The following GPI variants were observed in gnomAD, a reference collection of about 807,000 sequenced individuals.
GPI encodes glucose-6-phosphate isomerase.
Under a neutral mutation model 75.8 loss-of-function variants are expected in GPI, and 56 were observed. The ratio of observed to expected loss-of-function variants is 0.74; its 90% CI spans 0.60 to 0.92. The LOEUF is 0.92. Ranked by LOEUF, GPI falls within the 40% of genes least tolerant of loss-of-function variation. GPI has a pLI of 0.00. For missense variants in GPI, 638 were observed against 741.0 expected (o/e 0.86, Z 1.61); for synonymous variants, 288 against 285.4 (o/e 1.01, Z -0.09).
At chr19:34,364,430 G>A (rs1208675984), upstream of GPI, among the ~76,000 whole-genome samples, 1 of 149,298 alleles carries the variant, frequency 6.7e-6, no homozygotes, top group Admixed American at 6.7e-5. Flanking sequence ...CACCCAGGCT[G>A]GAGTACAGTG....
intron 9 of GPI, among the ~76,000 whole-genome samples, chr19:34,390,080 G>A (rs1386739312): frequency 1.3e-5 from 2 of 152,190 alleles, no homozygotes; most frequent in African/African-American, 4.8e-5. Flanking sequence ...AGGAGGTGGG[G>A]TGAGGCACAG....
At position 34,366,360 on chromosome 19, in the gene GPI, C is replaced by T. The variant is rs754835193; in HGVS notation, c.138C>T (p.Thr46=). Residue 46 remains threonine (T), a synonymous_variant, in exon 2 of 18, where the codon ACC becomes ACT. Coordinates refer to ENST00000356487, the MANE Select transcript of GPI (RefSeq NM_000175.5). ...CTTTCTGCAGCTTGACCCTCAACAC[C>T]AACCATGGGCATATCCTGGTGGATT... ...RFNHFSLTLN[T]NHGHILVDYS... 3 of 1,611,618 alleles carry T rather than the reference C, an allele frequency of 1.9e-6. No homozygotes were observed. The highest frequency in any genetic ancestry group is 1.1e-5 in the South Asian group (1 of 91,034).
chr19:34,366,829 G>C lies in GPI; in HGVS notation c.260G>C (p.Gly87Ala), dbSNP rs1044734543. Residue 87 changes from glycine to alanine, a missense_variant, in exon 3 of 18, where the codon GGT becomes GCT. Physicochemically the swap from Gly to Ala is moderately conservative, Grantham distance 60 (BLOSUM62 0). Coordinates refer to ENST00000356487, the MANE Select transcript of GPI (RefSeq NM_000175.5). ...VEAARERMFNGEKINYTEGRA... is the reference protein window; with the variant it reads ...VEAARERMFNAEKINYTEGRA... ...GCCGCCCGGGAGCGGATGTTCAATG[G>C]TGAGAAGATCAACTACACCGAGGTG... is the stretch of plus-strand genomic sequence containing the variant. The C allele has an allele frequency of 1.2e-6, 2 of 1,613,554 alleles. No homozygotes were observed. Among genetic ancestry groups the C allele is most frequent in the Admixed American group, 1.7e-5 (1 of 60,010 alleles).
intron 3 of GPI, among the ~76,000 whole-genome samples, chr19:34,367,419 G>A (rs2145321591): frequency 6.6e-6 from 1 of 152,320 alleles, no homozygotes; most frequent in Admixed American, 6.5e-5. Flanking sequence ...AGCTGTAAGA[G>A]GCAGAATGGA....
rs1246154675 is a variant in GPI, at chr19:34,368,839, C to G, written c.402+137C>G. On this transcript the variant is annotated intron_variant, in intron 4 of 17. Coordinates refer to ENST00000356487, the MANE Select transcript of GPI (RefSeq NM_000175.5). ...TCACTGCAGCTTAAGGGAGGGGTTG[C>G]CTGTGTGATCGCTGACCCTGGAGTC... 6.2e-6 allele frequency: 6 copies of G among 961,590 alleles called. No individual in the cohort carries two copies. The Admixed American group carries it at 9.9e-5, about 16-fold the overall frequency. 59.6% of individuals were successfully genotyped at this position (961,590 alleles called of 1,614,324 possible). A position where few individuals can be genotyped will look rare whatever the true frequency, so the allele number is the denominator to read the frequency against.
upstream of GPI, among the ~76,000 whole-genome samples, chr19:34,362,100 G>C: frequency 7.2e-6 from 1 of 138,198 alleles, no homozygotes; most frequent in Non-Finnish European, 1.5e-5. Flanking sequence ...GGTGATAGAG[G>C]GAGACTCCAT....
At chr19:34,360,442 T>G (rs8102449), upstream of GPI, among the ~76,000 whole-genome samples, 26,952 of 151,772 alleles carry the variant, frequency 0.18, 4,166 homozygotes, top group African/African-American at 0.41. Context: ...ATAATAATAA[T>G]AAGAAAATTA....
At chr19:34,367,720 G>A (rs562848496) in intron 3 of GPI, among the ~76,000 whole-genome samples, 5 of 152,250 alleles carry the variant, frequency 3.3e-5, no homozygotes, top group Admixed American at 6.5e-5. Context: ...CCTGGCACCC[G>A]TCACAGACTT....
chr19:34,372,886 G>A (rs1030592780), intron 4 of GPI, among the ~76,000 whole-genome samples: 1 of 151,806 alleles, frequency 6.6e-6, no homozygotes, highest in African/African-American at 2.4e-5. Context: ...CGATTCTCCT[G>A]CCTCAGCCTC....
At chr19:34,366,740 G>GTGGTGTGGGACC in intron 2 of GPI, 43 bp from the exon 3 acceptor site, 1 of 1,385,984 alleles carries the variant, frequency 7.2e-7, no homozygotes, top group Non-Finnish European at 1.0e-6. Context: ...ACTTGGGGTG[G>GTGGTGTGGGACC]CCAGTGTGGG....
chr19:34,363,497 C>T (rs915846303), upstream of GPI: 1 of 151,702 alleles, frequency 6.6e-6, no homozygotes, highest in African/African-American at 2.4e-5. Context: ...GAGTAACTGG[C>T]TTAGAAAACC....
chr19:34,365,382 A>G lies in GPI; in HGVS notation c.116A>G (p.His39Arg). The G allele has an allele frequency of 6.3e-6, 10 of 1,580,128 alleles. No individual in the cohort carries two copies. Among genetic ancestry groups the G allele is most frequent in the Non-Finnish European group, 8.6e-6 (10 of 1,166,220 alleles). The change falls in exon 1 of 18, where the codon CAC (histidine) becomes CGC (arginine). Residue 39 changes from histidine to arginine, a missense_variant. Transcript: ENST00000356487. ...LFDANKDRFN[H>R]FSLTLNTNHG... ...GATGCCAACAAGGACCGCTTCAACC[A>G]CTTCAGGTGCGGGCGGGCCGGAGGC... is the stretch of plus-strand genomic sequence containing the variant.
intron 9 of GPI, among the ~76,000 whole-genome samples, chr19:34,384,581 G>A (rs917653101): frequency 6.6e-6 from 1 of 152,204 alleles, no homozygotes; most frequent in Non-Finnish European, 1.5e-5. Flanking sequence ...GATCTATCAG[G>A]TGAGGCCCAA....
chr19:34,399,967 C>T lies in GPI; in HGVS notation c.1608C>T (p.Thr536=). ...EPELDGSAQV[T]SHDASTNGLI... ...AGCTTGATGGCAGTGCTCAAGTGAC[C>T]TCTCACGACGCTTCTACCAATGGGC... is the stretch of plus-strand genomic sequence containing the variant. Residue 536 remains threonine, a synonymous_variant, in exon 18 of 18, where the codon ACC becomes ACT. Transcript: ENST00000356487. 6.2e-7 allele frequency: 1 copy of T among 1,613,824 alleles called. No homozygotes were observed. Among genetic ancestry groups the T allele is most frequent in the East Asian group, 2.2e-5 (1 of 44,876 alleles).
rs1188890384 is a variant in GPI, at chr19:34,379,558, A to AGTGCC, written c.746_747insGTGCC (p.Asn249LysfsTer7). ...AAGCACTTTGTTGCCCTGTCTACTA[A>AGTGCC]CACAGTAAGTGCCCCCGTGGTCCCC... is the stretch of plus-strand genomic sequence containing the variant. On this transcript the variant is annotated frameshift_variant, in exon 8 of 18. Transcript: ENST00000356487. LOFTEE classifies it high-confidence loss of function. The AGTGCC allele has an allele frequency of 4.3e-6, 7 of 1,613,544 alleles. No homozygotes were observed. Among genetic ancestry groups the AGTGCC allele is most frequent in the Admixed American group, 3.3e-5 (2 of 59,998 alleles).
intron 4 of GPI, among the ~76,000 whole-genome samples, chr19:34,369,832 G>A (rs1412587944): frequency 6.6e-6 from 1 of 152,184 alleles, no homozygotes; most frequent in Admixed American, 6.5e-5. Flanking sequence ...GGCTGAGGTG[G>A]GAGGATGGCT....
chr19:34,368,500 G>A lies in GPI; in HGVS notation c.283-83G>A, dbSNP rs8191367. ...CTGCCTGTCTAGTGGATAGAGGGCC[G>A]AGCTATGGCACCATGCCCAGCTGGG... On this transcript the variant is annotated intron_variant, in intron 3 of 17. Coordinates refer to ENST00000356487, the MANE Select transcript of GPI (RefSeq NM_000175.5). 1.7e-4 allele frequency: 262 copies of A among 1,502,816 alleles called. 2 individuals are homozygous for A. The East Asian group carries it at 3.6e-3, about 20-fold the overall frequency. 93.1% of individuals were successfully genotyped at this position (1,502,816 alleles called of 1,614,324 possible). A position where few individuals can be genotyped will look rare whatever the true frequency, so the allele number is the denominator to read the frequency against.
intron 4 of GPI, 141 bp downstream of exon 4, chr19:34,368,843 T>C: frequency 2.2e-6 from 2 of 911,536 alleles, no homozygotes; most frequent in Non-Finnish European, 3.5e-6. Context: ...GGGTTGCCTG[T>C]GTGATCGCTG....
At position 34,377,808 on chromosome 19, in the gene GPI, T is replaced by G. The variant is rs375959146; in HGVS notation, c.560T>G (p.Ile187Ser). 1 of 1,614,032 alleles carries G rather than the reference T, an allele frequency of 6.2e-7. No individual in the cohort carries two copies. The highest frequency in any genetic ancestry group is 1.1e-5 in the South Asian group (1 of 91,078). The change falls in exon 6 of 18, where the codon ATT (isoleucine) becomes AGT (serine). Residue 187 changes from isoleucine (I) to serine (S), a missense_variant. Physicochemically the swap from Ile to Ser is moderately radical, Grantham distance 142. Transcript: ENST00000356487. ...CCCCGCGTCTGGTATGTCTCCAACA[T>G]TGATGGAACTCACATTGCCAAAACC... ...GGPRVWYVSNIDGTHIAKTLA... is the reference protein window; with the variant it reads ...GGPRVWYVSNSDGTHIAKTLA...
Sources: gnomAD v4.1 joint callset for allele counts (sites outside exome capture counted in the v4.1 genomes callset) on GRCh38, gnomAD v4.1.1 for gene constraint, MANE v1.5 for transcripts, NCBI Gene and HGNC (gene_info 2026-07-23, HGNC 2026-07-21) for gene names.